The following LRRTM3 variants were observed in gnomAD, a reference collection of about 807,000 sequenced individuals.
LRRTM3 encodes leucine rich repeat transmembrane neuronal 3, also known as leucine-rich repeat transmembrane neuronal protein 3.
In LRRTM3, 24 loss-of-function variants were observed where a neutral mutation model predicts 44.7. That is an observed-to-expected ratio of 0.54 (90% confidence interval 0.39 to 0.76). LRRTM3 has a LOEUF of 0.76. Among genes scored for constraint, LRRTM3 ranks in the 30% least tolerant of loss-of-function variants. The pLI, the probability that LRRTM3 is intolerant of heterozygous loss-of-function variation, is 0.00. For missense variants in LRRTM3, 587 were observed against 702.2 expected (o/e 0.84, Z 1.85); for synonymous variants, 277 against 278.7 (o/e 0.99, Z 0.06).
chr10:67,100,122 A>T lies in LRRTM3; in HGVS notation c.*2326A>T, dbSNP rs1858255924. The stretch of plus-strand genomic sequence containing the variant: ...CCTATTTCTAGACACATTCAAATTG[A>T]TAATGATTTTTAGAAATGTTAAGGT... On this transcript the variant is annotated 3_prime_UTR_variant, in exon 3 of 3. Transcript: ENST00000361320. 1.3e-5 allele frequency among the ~76,000 whole-genome samples: 2 copies of T among 151,790 alleles called. No individual in the cohort carries two copies. Among genetic ancestry groups the T allele is most frequent in the African/African-American group, 2.4e-5 (1 of 41,402 alleles).
intron 2 of LRRTM3, among the ~76,000 whole-genome samples, chr10:66,971,139 A>T (rs1365622118): frequency 6.6e-6 from 1 of 152,058 alleles, no homozygotes; most frequent in Non-Finnish European, 1.5e-5. Flanking sequence ...TAGTGAAGTT[A>T]AAAAAAGGCT....
intron 2 of LRRTM3, among the ~76,000 whole-genome samples, chr10:66,961,721 T>C (rs1050760271): frequency 6.6e-6 from 1 of 152,186 alleles, no homozygotes; most frequent in African/African-American, 2.4e-5. Flanking sequence ...TATTTGCATA[T>C]ATTAAGTTTG....
intron 2 of LRRTM3, among the ~76,000 whole-genome samples, chr10:67,000,215 C>T (rs1028664249): frequency 6.6e-6 from 1 of 152,116 alleles, no homozygotes; most frequent in African/African-American, 2.4e-5. Flanking sequence ...TTACAAGAAT[C>T]TTTAGATAAA....
intron 2 of LRRTM3, among the ~76,000 whole-genome samples, chr10:67,035,234 T>C (rs996062603): frequency 1.3e-5 from 2 of 152,232 alleles, no homozygotes; most frequent in African/African-American, 4.8e-5. Flanking sequence ...TCTATATATA[T>C]AGTCAAATTA....
intron 2 of LRRTM3, among the ~76,000 whole-genome samples, chr10:66,951,219 G>A (rs901761878): frequency 6.6e-6 from 1 of 151,514 alleles, no homozygotes; most frequent in East Asian, 2.0e-4. Context: ...GGGTTCAAGC[G>A]ATTCTCCTGC....
At chr10:67,097,532 C>T (rs2131933264) in intron 2 of LRRTM3, 55 bp from the exon 3 acceptor site, 2 of 1,494,382 alleles carry the variant, frequency 1.3e-6, no homozygotes, top group South Asian at 2.3e-5. Flanking sequence ...TAAATCTTTC[C>T]CCTAAAGTTG....
intron 2 of LRRTM3, among the ~76,000 whole-genome samples, chr10:67,087,264 A>C (rs4745927): frequency 0.55 from 83,489 of 151,780 alleles, 24,167 homozygotes; most frequent in African/African-American, 0.74. Context: ...GGGTCCAGGG[A>C]AGAGTCCATT....
At chr10:66,953,479 TC>T (rs1168633938) in intron 2 of LRRTM3, among the ~76,000 whole-genome samples, 1 of 152,160 alleles carries the variant, frequency 6.6e-6, no homozygotes, top group Non-Finnish European at 1.5e-5. Context: ...TTCTGTACTT[TC>T]CCAACAAAGA....
chr10:66,928,019 G>A lies in LRRTM3; in HGVS notation c.1103G>A (p.Arg368Lys), dbSNP rs140333834. ...ATCTGTGGCAAAAGTACTACAGAGA[G>A]GTTTGATCTGGCCAGGGCTCTCCCA... is the stretch of plus-strand genomic sequence containing the variant. ...YSICGKSTTE[R>K]FDLARALPKP... is the part of the protein sequence containing the mutation. The change falls in exon 2 of 3, where the codon AGG (arginine) becomes AAG (lysine). Residue 368 changes from arginine (R) to lysine (K), a missense_variant. Transcript: ENST00000361320. The A allele has an allele frequency of 1.2e-6, 2 of 1,614,134 alleles. No homozygotes were observed. The highest frequency in any genetic ancestry group is 1.7e-5 in the Admixed American group (1 of 60,032).
chr10:67,093,257 C>T (rs1252309412), intron 2 of LRRTM3, among the ~76,000 whole-genome samples: 1 of 151,872 alleles, frequency 6.6e-6, no homozygotes, highest in Non-Finnish European at 1.5e-5. Flanking sequence ...CCTATTCCAA[C>T]TAGCTAGTTC....
intron 2 of LRRTM3, among the ~76,000 whole-genome samples, chr10:67,056,090 C>T (rs1589671567): frequency 6.6e-6 from 1 of 152,048 alleles, no homozygotes; most frequent in Non-Finnish European, 1.5e-5. Flanking sequence ...AACAATGTCA[C>T]GTTTTTATGT....
intron 2 of LRRTM3, among the ~76,000 whole-genome samples, chr10:67,073,394 T>G (rs1000076433): frequency 6.6e-6 from 1 of 152,142 alleles, no homozygotes; most frequent in South Asian, 2.1e-4. Flanking sequence ...TAAGATTATC[T>G]CCCTTAAATA....
At chr10:66,999,623 T>C (rs780964178) in intron 2 of LRRTM3, among the ~76,000 whole-genome samples, 1 of 152,164 alleles carries the variant, frequency 6.6e-6, no homozygotes, top group Non-Finnish European at 1.5e-5. Flanking sequence ...TAAATGGTGC[T>C]TCCGGAAACA....
At chr10:67,065,246 C>T (rs556394020) in intron 2 of LRRTM3, among the ~76,000 whole-genome samples, 3 of 152,236 alleles carry the variant, frequency 2.0e-5, no homozygotes, top group Non-Finnish European at 2.9e-5. Flanking sequence ...CATACACATG[C>T]TGTATGGCCT....
At chr10:66,992,546 T>A (rs182708333) in intron 2 of LRRTM3, among the ~76,000 whole-genome samples, 2,709 of 152,204 alleles carry the variant, frequency 0.018, 25 homozygotes, top group African/African-American at 0.026. Flanking sequence ...ACTTTTTTTT[T>A]AATGGCAACA....
intron 2 of LRRTM3, among the ~76,000 whole-genome samples, chr10:67,053,649 A>G (rs1855253508): frequency 6.6e-6 from 1 of 152,188 alleles, no homozygotes; most frequent in African/African-American, 2.4e-5. Flanking sequence ...TTTCCTGGAA[A>G]TGCTACCAGT....
chr10:67,049,904 C>T (rs140515036), intron 2 of LRRTM3, among the ~76,000 whole-genome samples: 285 of 152,278 alleles, frequency 1.9e-3, no homozygotes, highest in African/African-American at 6.7e-3. Context: ...TTAGTCTTAG[C>T]ATATGCTGTG....
chr10:67,025,073 G>A (rs1277262625), intron 2 of LRRTM3, among the ~76,000 whole-genome samples: 1 of 146,058 alleles, frequency 6.8e-6, no homozygotes, highest in African/African-American at 2.5e-5. Flanking sequence ...AGGTTGCGGT[G>A]AGCCGAGATC....
chr10:67,045,829 G>A (rs1429589763), intron 2 of LRRTM3, among the ~76,000 whole-genome samples: 1 of 152,154 alleles, frequency 6.6e-6, no homozygotes, highest in East Asian at 1.9e-4. Context: ...CAGCTCCAGT[G>A]AAGCCTTCCT....
Sources: gnomAD v4.1 joint callset for allele counts (sites outside exome capture counted in the v4.1 genomes callset) on GRCh38, gnomAD v4.1.1 for gene constraint, MANE v1.5 for transcripts, NCBI Gene and HGNC (gene_info 2026-07-23, HGNC 2026-07-21) for gene names.